Variants in SLC25A21 observed in about 807,000 individuals in gnomAD.
SLC25A21 encodes mitochondrial 2-oxodicarboxylate carrier.
SLC25A21 carries 47 observed loss-of-function variants against 43.8 expected under a neutral mutation model. The ratio of observed to expected loss-of-function variants is 1.07; its 90% CI spans 0.85 to 1.37. SLC25A21 has a LOEUF of 1.37. Ranked by LOEUF, SLC25A21 falls within the 40% of genes most tolerant of loss-of-function variation. SLC25A21 has a pLI of 0.00. For missense variants in SLC25A21, 352 were observed against 350.2 expected (o/e 1.00, Z -0.04); for synonymous variants, 131 against 121.3 (o/e 1.08, Z -0.52).
At chr14:36,985,899 G>C (rs952922718) in intron 1 of SLC25A21, among the ~76,000 whole-genome samples, 1 of 152,048 alleles carries the variant, frequency 6.6e-6, no homozygotes. Context: ...AATTGTCCCA[G>C]ATTTGGTCAG....
chr14:36,782,593 C>A (rs1887104428), intron 3 of SLC25A21, among the ~76,000 whole-genome samples: 1 of 152,180 alleles, frequency 6.6e-6, no homozygotes, highest in Non-Finnish European at 1.5e-5. Context: ...CCAGTCAGCC[C>A]AGCTAGGGAT....
At chr14:36,759,366 C>CT (rs1347484244) in intron 3 of SLC25A21, among the ~76,000 whole-genome samples, 1 of 152,080 alleles carries the variant, frequency 6.6e-6, no homozygotes, top group Non-Finnish European at 1.5e-5. Context: ...AACAGGAGAC[C>CT]TTTTTTTCTG....
intron 1 of SLC25A21, among the ~76,000 whole-genome samples, chr14:37,137,719 A>G (rs1373396626): frequency 6.6e-6 from 1 of 152,222 alleles, no homozygotes; most frequent in Non-Finnish European, 1.5e-5. Flanking sequence ...GGCCTAATCT[A>G]CAGAGTGGTA....
chr14:36,875,411 T>C (rs1299119596), intron 1 of SLC25A21, among the ~76,000 whole-genome samples: 2 of 152,136 alleles, frequency 1.3e-5, no homozygotes, highest in Non-Finnish European at 2.9e-5. Context: ...TTTGGTATGT[T>C]AGTAAACATA....
intron 1 of SLC25A21, among the ~76,000 whole-genome samples, chr14:37,003,361 T>C (rs1033220204): frequency 3.3e-5 from 5 of 152,202 alleles, no homozygotes; most frequent in African/African-American, 9.7e-5. Context: ...AATATAGCAT[T>C]TAAAACTTAT....
intron 1 of SLC25A21, among the ~76,000 whole-genome samples, chr14:36,940,943 C>A (rs1262889878): frequency 1.3e-5 from 2 of 152,056 alleles, no homozygotes; most frequent in South Asian, 4.1e-4. Flanking sequence ...AACTTAAAAA[C>A]CTGTTTCAGA....
intron 3 of SLC25A21, among the ~76,000 whole-genome samples, chr14:36,783,713 T>C (rs1313477475): frequency 6.6e-6 from 1 of 152,172 alleles, no homozygotes; most frequent in East Asian, 1.9e-4. Context: ...TCTAGATAGA[T>C]TTTTTGCTCT....
intron 2 of SLC25A21, among the ~76,000 whole-genome samples, chr14:36,865,086 C>T (rs1890176709): frequency 6.6e-6 from 1 of 151,630 alleles, no homozygotes; most frequent in African/African-American, 2.4e-5. Context: ...CGTGTTTCCA[C>T]CCTGCTGTTC....
intron 1 of SLC25A21, among the ~76,000 whole-genome samples, chr14:37,051,303 A>T (rs1200449003): frequency 1.3e-5 from 2 of 152,212 alleles, no homozygotes; most frequent in African/African-American, 4.8e-5. Context: ...TTTGTGACAG[A>T]CTAGGGGCTT....
chr14:36,831,468 A>G (rs1889036420), intron 2 of SLC25A21, among the ~76,000 whole-genome samples: 3 of 152,222 alleles, frequency 2.0e-5, no homozygotes, highest in Non-Finnish European at 4.4e-5. Context: ...CTTTAAGGCT[A>G]AAATGCTAGT....
At chr14:37,082,503 T>G (rs1962407871) in intron 1 of SLC25A21, among the ~76,000 whole-genome samples, 1 of 152,188 alleles carries the variant, frequency 6.6e-6, no homozygotes, top group African/African-American at 2.4e-5. Context: ...CTATTTCTCC[T>G]TTTGTCTTCC....
chr14:36,963,945 C>T (rs1466579227), intron 1 of SLC25A21, among the ~76,000 whole-genome samples: 1 of 152,152 alleles, frequency 6.6e-6, no homozygotes, highest in Non-Finnish European at 1.5e-5. Flanking sequence ...TCCCTTGAAA[C>T]CTTTTTTTTT....
At chr14:37,149,876 C>T (rs1364155666) in intron 1 of SLC25A21, among the ~76,000 whole-genome samples, 1 of 152,008 alleles carries the variant, frequency 6.6e-6, no homozygotes, top group Non-Finnish European at 1.5e-5. Flanking sequence ...TTTTTAAAGA[C>T]ATGGGAAAGT....
At chr14:36,864,203 A>G (rs1890149310) in intron 2 of SLC25A21, among the ~76,000 whole-genome samples, 1 of 152,226 alleles carries the variant, frequency 6.6e-6, no homozygotes, top group South Asian at 2.1e-4. Context: ...GAGACCTTTC[A>G]AAGTTTGCTA....
chr14:36,774,531 A>C (rs1176371484), intron 3 of SLC25A21, among the ~76,000 whole-genome samples: 1 of 152,214 alleles, frequency 6.6e-6, no homozygotes, highest in Non-Finnish European at 1.5e-5. Context: ...GATGAACAGA[A>C]GGCTTTATAT....
intron 1 of SLC25A21, among the ~76,000 whole-genome samples, chr14:36,979,203 G>A (rs1959953835): frequency 6.6e-6 from 1 of 152,092 alleles, no homozygotes. Context: ...AAACGAACTA[G>A]AAAATGGGGT....
rs547764272 is a variant in SLC25A21 at position 37,003,528 on chromosome 14, A to C, written c.71-128524T>G. Among the ~76,000 whole-genome samples, 7 of 152,330 alleles carry C rather than the reference A, an allele frequency of 4.6e-5. No individual in the cohort carries two copies. In the South Asian group the frequency reaches 1.4e-3, roughly 32 times the overall value. ...ATAGTTAAAAACTGAAACTACCCAA[A>C]TGCTCATCAACACAAGTTGGAATAT... On this transcript the variant is annotated intron_variant, in intron 1 of 9. Coordinates refer to ENST00000331299, the MANE Select transcript of SLC25A21 (RefSeq NM_030631.4).
intron 7 of SLC25A21, among the ~76,000 whole-genome samples, chr14:36,708,114 A>G (rs1029854432): frequency 6.6e-6 from 1 of 152,248 alleles, no homozygotes; most frequent in Non-Finnish European, 1.5e-5. Context: ...TGAAAATAAA[A>G]TAAAATAATG....
chr14:37,026,631 C>T (rs746785427), intron 1 of SLC25A21, among the ~76,000 whole-genome samples: 1 of 152,152 alleles, frequency 6.6e-6, no homozygotes, highest in Non-Finnish European at 1.5e-5. Context: ...GTTTGGAAAA[C>T]ACTTACGAAT....
Sources: gnomAD v4.1 joint callset for allele counts (sites outside exome capture counted in the v4.1 genomes callset) on GRCh38, gnomAD v4.1.1 for gene constraint, MANE v1.5 for transcripts, NCBI Gene and HGNC (gene_info 2026-07-23, HGNC 2026-07-21) for gene names.